The following AGBL2 variants were observed in gnomAD, a reference collection of about 807,000 sequenced individuals.
AGBL2 encodes cytosolic carboxypeptidase 2.
Under a neutral mutation model 103.0 loss-of-function variants are expected in AGBL2, and 87 were observed. The observed-to-expected ratio is 0.84, with a 90% confidence interval of 0.71 to 1.01. AGBL2 has a LOEUF of 1.01. Among genes scored for constraint, AGBL2 ranks in the 50% least tolerant of loss-of-function variants. The probability of loss-of-function intolerance (pLI) is 0.00; values close to 1 mark genes in which losing one functional copy is unlikely to be tolerated. For missense variants in AGBL2, 904 were observed against 1,023.5 expected (o/e 0.88, Z 1.59); for synonymous variants, 335 against 356.7 (o/e 0.94, Z 0.69).
chr11:47,714,503 G>A, intron 2 of AGBL2, 115 bp downstream of exon 2: 7 of 1,373,822 alleles, frequency 5.1e-6, no homozygotes, highest in Non-Finnish European at 7.3e-6. Flanking sequence ...ATCTCCAGCT[G>A]AGAAAAGATG....
chr11:47,704,811 T>A (rs1242795558), intron 6 of AGBL2, 83 bp from the exon 7 acceptor site: 1 of 1,080,938 alleles, frequency 9.3e-7, no homozygotes, highest in Non-Finnish European at 1.3e-6. Context: ...ATGAAACTAT[T>A]TTAAGCATTA....
Position 47,690,173 on chromosome 11 carries a change from G to A in AGBL2, c.1534C>T (p.Arg512Trp), listed in dbSNP as rs750588811. The A allele has an allele frequency of 2.2e-5, 35 of 1,613,992 alleles. No homozygotes were observed. Among genetic ancestry groups the A allele is most frequent in the African/African-American group, 1.2e-4 (9 of 74,904 alleles). Reference sequence around the variant, plus strand: ...AAATCCCTTCCGGCCAAGGAACACCGATAATTCCCCACAATCACACCATCT... The same window carrying A: ...AAATCCCTTCCGGCCAAGGAACACCAATAATTCCCCACAATCACACCATCT... ...NPDGVIVGNYRCSLAGRDLNR... is the reference protein window; with the variant it reads ...NPDGVIVGNYWCSLAGRDLNR... Residue 512 changes from arginine (R) to tryptophan (W), a missense_variant, in exon 10 of 19, where the codon CGG becomes TGG. Arg to Trp is a moderately radical substitution (Grantham distance 101). Coordinates refer to ENST00000525123, the MANE Select transcript of AGBL2 (RefSeq NM_024783.4).
chr11:47,666,638 T>C (rs746920253), intron 17 of AGBL2: 57 of 542,910 alleles, frequency 1.0e-4, no homozygotes, highest in Non-Finnish European at 1.5e-4. Flanking sequence ...ATAAAATTCA[T>C]TGATTTATTT....
At chr11:47,707,667 C>G (rs2097525410) in intron 4 of AGBL2, among the ~76,000 whole-genome samples, 1 of 152,042 alleles carries the variant, frequency 6.6e-6, no homozygotes, top group Admixed American at 6.6e-5. Flanking sequence ...GCCAAATTGC[C>G]TTCCTAAAAG....
chr11:47,690,003 C>A, intron 10 of AGBL2, 73 bp downstream of exon 10: 1 of 1,325,912 alleles, frequency 7.5e-7, no homozygotes, highest in Non-Finnish European at 1.0e-6. Context: ...AGACCTCATA[C>A]CCCATCAGGT....
rs762838681 is a variant in AGBL2 at position 47,714,305 on chromosome 11, G to A, written c.76C>T (p.Gln26Ter). The A allele has an allele frequency of 6.2e-7, 1 of 1,612,204 alleles. No individual in the cohort carries two copies. The highest frequency in any genetic ancestry group is 1.1e-5 in the South Asian group (1 of 91,022). The change falls in exon 3 of 19, where the codon CAA (glutamine) becomes TAA (stop). Residue 26 changes from glutamine to a stop codon, truncating the protein, a stop_gained. Coordinates refer to ENST00000525123, the MANE Select transcript of AGBL2 (RefSeq NM_024783.4). LOFTEE classifies it high-confidence loss of function. ...TTACCTTTAAAGTAGCCATAATATTGGAGGTGACGGTACATAAAGTCTTCA... is the reference window on the plus strand; with the variant it reads ...TTACCTTTAAAGTAGCCATAATATTAGAGGTGACGGTACATAAAGTCTTCA... Reference protein sequence around the residue: ...PYEDFMYRHLQYYGYFKAQRG... With the variant: ...PYEDFMYRHL
At chr11:47,714,156 G>A in intron 3 of AGBL2, 128 bp downstream of exon 3, 1 of 693,362 alleles carries the variant, frequency 1.4e-6, no homozygotes. Context: ...ACTAATGGTA[G>A]AGGAAAAAGT....
chr11:47,685,896 A>G lies in AGBL2; in HGVS notation c.1785T>C (p.Asp595=). The change falls in exon 11 of 19, where the codon GAT becomes GAC. Residue 595 remains aspartate (D), a synonymous_variant. Coordinates refer to ENST00000525123, the MANE Select transcript of AGBL2 (RefSeq NM_024783.4). ...GAAAATTACATTATGTGCTTACCTTATCTGGTGCATTTTTGCATAACATTA... is the reference window on the plus strand; with the variant it reads ...GAAAATTACATTATGTGCTTACCTTGTCTGGTGCATTTTTGCATAACATTA... The part of the protein sequence containing the change: ...FPLMLCKNAP[D]KFSFHSCNFK... 1 of 1,613,894 alleles carries G rather than the reference A, an allele frequency of 6.2e-7. No individual in the cohort carries two copies. Among genetic ancestry groups the G allele is most frequent in the Non-Finnish European group, 8.5e-7 (1 of 1,179,910 alleles).
At chr11:47,700,193 G>T (rs533928818) in intron 7 of AGBL2, among the ~76,000 whole-genome samples, 1 of 152,208 alleles carries the variant, frequency 6.6e-6, no homozygotes, top group East Asian at 1.9e-4. Flanking sequence ...TCGACCTCAG[G>T]TGATCCGCCC....
intron 4 of AGBL2, among the ~76,000 whole-genome samples, chr11:47,708,135 T>G (rs1480191893): frequency 6.6e-6 from 1 of 151,970 alleles, no homozygotes; most frequent in Admixed American, 6.6e-5. Flanking sequence ...TGGTGCAATT[T>G]CCTCTCACTG....
intron 10 of AGBL2, among the ~76,000 whole-genome samples, chr11:47,687,807 CTT>C (rs369461728): frequency 3.6e-5 from 5 of 138,528 alleles, no homozygotes; most frequent in African/African-American, 5.3e-5. Context: ...TTCTTTCTTT[CTT>C]TTTTTTTTTT....
intron 3 of AGBL2, chr11:47,710,897 G>C: frequency 2.4e-6 from 1 of 413,452 alleles, no homozygotes; most frequent in Non-Finnish European, 4.6e-6. Context: ...GTGACAGAGC[G>C]AGATCCTGTC....
intron 7 of AGBL2, among the ~76,000 whole-genome samples, chr11:47,701,894 AC>A (rs1262663394): frequency 2.6e-5 from 4 of 151,422 alleles, no homozygotes; most frequent in African/African-American, 9.7e-5. Flanking sequence ...AAGCACTTGA[AC>A]CTGGGAGGCG....
At chr11:47,681,103 G>T (rs1165574598) in intron 12 of AGBL2, among the ~76,000 whole-genome samples, 1 of 152,102 alleles carries the variant, frequency 6.6e-6, no homozygotes, top group Non-Finnish European at 1.5e-5. Context: ...GCCGAGGCAG[G>T]AGGATTGCTT....
intron 10 of AGBL2, among the ~76,000 whole-genome samples, chr11:47,689,795 C>T (rs2097437910): frequency 6.6e-6 from 1 of 152,154 alleles, no homozygotes; most frequent in Non-Finnish European, 1.5e-5. Context: ...CCTATGAACT[C>T]CCCTGAACTC....
At chr11:47,686,557 G>T (rs1203567577) in intron 10 of AGBL2, among the ~76,000 whole-genome samples, 1 of 148,974 alleles carries the variant, frequency 6.7e-6, no homozygotes, top group African/African-American at 2.5e-5. Context: ...GTGGCGTCTA[G>T]CGAGAGGTAT....
chr11:47,711,516 T>C (rs147028823), intron 3 of AGBL2, among the ~76,000 whole-genome samples: 2 of 152,256 alleles, frequency 1.3e-5, no homozygotes, highest in East Asian at 3.9e-4. Context: ...CTTTCACAAT[T>C]GCCTACACAA....
At chr11:47,700,275 C>T (rs1376057677) in intron 7 of AGBL2, among the ~76,000 whole-genome samples, 1 of 152,048 alleles carries the variant, frequency 6.6e-6, no homozygotes, top group Non-Finnish European at 1.5e-5. Flanking sequence ...TTCATTAACA[C>T]TGAATTTAAA....
rs752171538 is a variant in AGBL2, at chr11:47,690,612, G to A, written c.1095C>T (p.Asn365=). ...REGNEIKYYK[N]NTDDGQQPFY... Reference sequence around the variant, plus strand: ...AGGGCTGCTGCCCATCATCCGTGTTGTTCTTGTAGTACTTGATTTCATTTC... The same window carrying A: ...AGGGCTGCTGCCCATCATCCGTGTTATTCTTGTAGTACTTGATTTCATTTC... Residue 365 remains asparagine (N), a synonymous_variant, in exon 10 of 19, where the codon AAC becomes AAT. Transcript: ENST00000525123. 1 of 1,614,172 alleles carries A rather than the reference G, an allele frequency of 6.2e-7. No homozygotes were observed. The highest frequency in any genetic ancestry group is 2.2e-5 in the East Asian group (1 of 44,892).
Sources: gnomAD v4.1 joint callset for allele counts (sites outside exome capture counted in the v4.1 genomes callset) on GRCh38, gnomAD v4.1.1 for gene constraint, MANE v1.5 for transcripts, NCBI Gene and HGNC (gene_info 2026-07-23, HGNC 2026-07-21) for gene names.